Variants in PARD3 observed in about 807,000 individuals in gnomAD.
The protein encoded by PARD3 is par-3 family cell polarity regulator.
A neutral mutation model predicts 155.4 loss-of-function variants in PARD3; 75 were observed. The ratio of observed to expected loss-of-function variants is 0.48; its 90% CI spans 0.40 to 0.58. The LOEUF (loss-of-function observed/expected upper bound fraction) is 0.58. Among genes scored for constraint, PARD3 ranks in the 20% least tolerant of loss-of-function variants. The pLI is 0.00. For synonymous variants in PARD3, 576 were observed against 610.5 expected, an observed-to-expected ratio of 0.94 and a Z score of 0.83; for missense variants, 1,642 against 1,721.7, an observed-to-expected ratio of 0.95 and a Z score of 0.82.
In PARD3 at chr10:34,172,759, A is replaced by C. The variant is rs536519474; in HGVS notation, c.3420-41176T>G. Among the ~76,000 whole-genome samples the C allele has an allele frequency of 6.3e-5, 9 of 143,752 alleles. No homozygotes were observed. In the East Asian group the frequency reaches 1.6e-3, roughly 25 times the overall value. The allele number at this position is 143,752 out of a possible 152,430, so 94.3% of individuals were successfully genotyped here. On this transcript the variant is annotated intron_variant, in intron 22 of 24. Transcript: ENST00000374788. ...AAAACAAAAAAACAACAAAAAAAAA[A>C]ACAAAAAAAAAACCCACCCAAGCAA...
chr10:34,583,991 T>C (rs1425682194), intron 2 of PARD3, among the ~76,000 whole-genome samples: 1 of 152,232 alleles, frequency 6.6e-6, no homozygotes, highest in African/African-American at 2.4e-5. Flanking sequence ...TTGGTATACA[T>C]AAATCATCAT....
At chr10:34,438,134 C>A (rs924331223) in intron 5 of PARD3, among the ~76,000 whole-genome samples, 5 of 152,172 alleles carry the variant, frequency 3.3e-5, no homozygotes, top group Admixed American at 2.6e-4. Context: ...CCAGCGGGGA[C>A]AGACTGAGCG....
chr10:34,566,731 G>A (rs1227996524), intron 2 of PARD3, among the ~76,000 whole-genome samples: 2 of 152,094 alleles, frequency 1.3e-5, no homozygotes, highest in Non-Finnish European at 2.9e-5. Context: ...GTTCTATCTA[G>A]ATACTGACTA....
At chr10:34,693,338 T>C (rs1216961885) in intron 2 of PARD3, among the ~76,000 whole-genome samples, 3 of 152,094 alleles carry the variant, frequency 2.0e-5, no homozygotes, top group African/African-American at 7.2e-5. Flanking sequence ...AGCAAAGACA[T>C]GGAATCAACC....
chr10:34,420,948 G>C (rs910882784), intron 5 of PARD3, among the ~76,000 whole-genome samples: 5 of 152,110 alleles, frequency 3.3e-5, no homozygotes, highest in African/African-American at 1.2e-4. Flanking sequence ...GGCCAAGGTC[G>C]GGGGGATTGC....
chr10:34,732,188 G>A (rs543582444), intron 1 of PARD3, among the ~76,000 whole-genome samples: 3 of 152,048 alleles, frequency 2.0e-5, no homozygotes, highest in Admixed American at 1.3e-4. Context: ...AAAAAGAAAC[G>A]CAATCTTCTG....
At chr10:34,483,558 T>C (rs533616899) in intron 3 of PARD3, among the ~76,000 whole-genome samples, 2 of 151,998 alleles carry the variant, frequency 1.3e-5, no homozygotes, top group African/African-American at 2.4e-5. Flanking sequence ...ATTTATAATA[T>C]TGCTTTTCCT....
intron 5 of PARD3, among the ~76,000 whole-genome samples, chr10:34,447,751 A>G (rs994367060): frequency 4.0e-4 from 60 of 150,834 alleles, no homozygotes; most frequent in Non-Finnish European, 6.5e-4. Flanking sequence ...GTTGTGGTGA[A>G]CCGAGATCGC....
At chr10:34,204,119 T>C (rs1281672001) in intron 22 of PARD3, among the ~76,000 whole-genome samples, 5 of 152,174 alleles carry the variant, frequency 3.3e-5, no homozygotes, top group Non-Finnish European at 7.3e-5. Flanking sequence ...GGTAAGTACA[T>C]CAACATTTAC....
chr10:34,276,095 T>C (rs936447816), intron 21 of PARD3, among the ~76,000 whole-genome samples: 8 of 152,164 alleles, frequency 5.3e-5, no homozygotes, highest in South Asian at 2.1e-4. Flanking sequence ...CCACCCGACA[T>C]TGATGGACAA....
intron 1 of PARD3, among the ~76,000 whole-genome samples, chr10:34,749,704 G>A (rs1251083679): frequency 6.6e-6 from 1 of 152,028 alleles, no homozygotes. Context: ...GTAACTACTT[G>A]AAAGATGTCA....
intron 2 of PARD3, among the ~76,000 whole-genome samples, chr10:34,654,905 A>C (rs1590431669): frequency 6.6e-6 from 1 of 151,818 alleles, no homozygotes; most frequent in East Asian, 1.9e-4. Context: ...CCCCATCTAC[A>C]CTCCCGTTGC....
At chr10:34,147,983 A>T (rs1948599425) in intron 22 of PARD3, among the ~76,000 whole-genome samples, 1 of 152,166 alleles carries the variant, frequency 6.6e-6, no homozygotes, top group Non-Finnish European at 1.5e-5. Flanking sequence ...AGCAGATTGG[A>T]ACACTGCCTT....
At chr10:34,528,642 T>C (rs1176414101) in intron 2 of PARD3, among the ~76,000 whole-genome samples, 5 of 152,164 alleles carry the variant, frequency 3.3e-5, no homozygotes, top group African/African-American at 4.8e-5. Flanking sequence ...TTACTAATAT[T>C]TGAGAAAGTT....
intron 14 of PARD3, among the ~76,000 whole-genome samples, chr10:34,354,390 A>G (rs1363207501): frequency 6.6e-6 from 1 of 151,718 alleles, no homozygotes. Context: ...AAAAAAAAAA[A>G]AGCCAGACTC....
intron 1 of PARD3, among the ~76,000 whole-genome samples, chr10:34,755,187 A>G (rs1000969001): frequency 6.6e-6 from 1 of 151,492 alleles, no homozygotes; most frequent in Non-Finnish European, 1.5e-5. Flanking sequence ...AGATCACTTG[A>G]GGTCAGGAGC....
chr10:34,332,596 T>A (rs1168907335), intron 18 of PARD3, among the ~76,000 whole-genome samples: 1 of 152,194 alleles, frequency 6.6e-6, no homozygotes, highest in Non-Finnish European at 1.5e-5. Context: ...TTTAATTTTT[T>A]AAGATTCACT....
intron 2 of PARD3, among the ~76,000 whole-genome samples, chr10:34,555,743 A>G (rs2084928419): frequency 6.6e-6 from 1 of 152,068 alleles, no homozygotes; most frequent in African/African-American, 2.4e-5. Flanking sequence ...TCTGGGAAAT[A>G]CCATCACCCG....
At chr10:34,118,904 T>A (rs1946828629) in intron 24 of PARD3, among the ~76,000 whole-genome samples, 1 of 152,226 alleles carries the variant, frequency 6.6e-6, no homozygotes, top group African/African-American at 2.4e-5. Context: ...TTTTTCAACA[T>A]TTTTATTCTT....
Sources: gnomAD v4.1 joint callset for allele counts (sites outside exome capture counted in the v4.1 genomes callset) on GRCh38, gnomAD v4.1.1 for gene constraint, MANE v1.5 for transcripts, NCBI Gene and HGNC (gene_info 2026-07-23, HGNC 2026-07-21) for gene names.